The following UTRN variants were observed in gnomAD, a reference collection of about 807,000 sequenced individuals.
The protein encoded by UTRN is dystrophin-related protein 1.
Under a neutral mutation model 463.9 loss-of-function variants are expected in UTRN, and 283 were observed. That is an observed-to-expected ratio of 0.61 (90% CI 0.55 to 0.67). The LOEUF is 0.67. UTRN is among the 30% of genes least tolerant of loss of function. UTRN has a pLI of 0.00. For missense variants in UTRN, 3,922 were observed against 4,084.3 expected, an observed-to-expected ratio of 0.96 and a Z score of 1.08; for synonymous variants, 1,442 against 1,431.5, an observed-to-expected ratio of 1.01 and a Z score of -0.17.
chr6:144,715,884 T>G (rs1786390133), intron 53 of UTRN, among the ~76,000 whole-genome samples: 1 of 152,100 alleles, frequency 6.6e-6, no homozygotes, highest in South Asian at 2.1e-4. Context: ...TTTGTCTCTT[T>G]ATTTCTCAGT....
At chr6:144,830,281 C>T (rs967450254) in intron 69 of UTRN, among the ~76,000 whole-genome samples, 1 of 152,074 alleles carries the variant, frequency 6.6e-6, no homozygotes, top group African/African-American at 2.4e-5. Flanking sequence ...AGAAGATTAA[C>T]AGTCAGATAC....
At chr6:144,667,027 C>CTCTTCT (rs373644435) in intron 51 of UTRN, among the ~76,000 whole-genome samples, 33 of 134,588 alleles carry the variant, frequency 2.5e-4, no homozygotes, top group African/African-American at 1.1e-3. Flanking sequence ...CCTCTTCTTC[C>CTCTTCT]TCCTCCTCCT....
At position 144,440,390 on chromosome 6, in the gene UTRN, A is replaced by G. The variant is rs1439370872; in HGVS notation, c.1431A>G (p.Val477=). 6.2e-7 allele frequency: 1 copy of G among 1,614,116 alleles called. No individual in the cohort carries two copies. Among genetic ancestry groups the G allele is most frequent in the Non-Finnish European group, 8.5e-7 (1 of 1,180,052 alleles). Residue 477 remains valine (V), a synonymous_variant, in exon 13 of 75, where the codon GTA becomes GTG. Transcript: ENST00000367545. ...ATCTTGAGGCTGAACAGGTGAAAGT[A>G]AATTCACTAACTCACATGGTGGTCA... ...QSDLEAEQVK[V]NSLTHMVVIV...
In UTRN at chr6:144,285,544, A is replaced by C. The variant is rs1326958612; in HGVS notation, c.-370A>C. On this transcript the variant is annotated 5_prime_UTR_variant, in exon 1 of 75. Transcript: ENST00000367545. ...GCGCCCCTTCCAGGTTTGCGCTTTG[A>C]CTGTTTTGTTTTTGGCGGAACTACC... Among the ~76,000 whole-genome samples the C allele has an allele frequency of 6.6e-6, 1 of 152,134 alleles. No homozygotes were observed. Among genetic ancestry groups the C allele is most frequent in the Non-Finnish European group, 1.5e-5 (1 of 68,026 alleles).
At chr6:144,565,517 A>G (rs1800324255) in intron 50 of UTRN, among the ~76,000 whole-genome samples, 1 of 152,186 alleles carries the variant, frequency 6.6e-6, no homozygotes. Context: ...TGGTGATTGA[A>G]CAAAAAAGGA....
intron 2 of UTRN, among the ~76,000 whole-genome samples, chr6:144,372,392 A>T (rs7761280): frequency 0.13 from 20,370 of 152,290 alleles, 4,106 homozygotes; most frequent in African/African-American, 0.43. Flanking sequence ...TAAAATAAGA[A>T]AATGCAAGTG....
At chr6:144,426,138 A>G in intron 6 of UTRN, 149 bp from the exon 7 acceptor site, 1 of 950,440 alleles carries the variant, frequency 1.1e-6, no homozygotes, top group South Asian at 1.8e-5. Flanking sequence ...TCTAGTGTCT[A>G]CAGAAAAATC....
intron 1 of UTRN, among the ~76,000 whole-genome samples, chr6:144,290,430 C>G (rs1301570046): frequency 6.6e-6 from 1 of 152,156 alleles, no homozygotes; most frequent in East Asian, 1.9e-4. Context: ...TAGCCACAGT[C>G]TAGATTTGTC....
chr6:144,538,201 G>A (rs1176586112), intron 44 of UTRN, among the ~76,000 whole-genome samples: 1 of 151,980 alleles, frequency 6.6e-6, no homozygotes, highest in African/African-American at 2.4e-5. Flanking sequence ...CAACTAACAA[G>A]TATTGTTTAT....
intron 35 of UTRN, among the ~76,000 whole-genome samples, chr6:144,513,033 C>T (rs1336193700): frequency 6.6e-6 from 1 of 152,038 alleles, no homozygotes; most frequent in Non-Finnish European, 1.5e-5. Context: ...ACTGTTTTTC[C>T]CAGTCATAAT....
chr6:144,447,690 C>T lies in UTRN; in HGVS notation c.1811C>T (p.Ser604Phe), dbSNP rs1332422327. 1 of 1,613,924 alleles carries T rather than the reference C, an allele frequency of 6.2e-7. No individual in the cohort carries two copies. The highest frequency in any genetic ancestry group is 2.2e-5 in the East Asian group (1 of 44,862). The change falls in exon 16 of 75, where the codon TCC becomes TTC. Residue 604 changes from serine to phenylalanine, a missense_variant. By Grantham distance (155) the Ser-to-Phe change is radical. Transcript: ENST00000367545. ...GATGTGGGACAATTACTTGATAATTCCAAGGCATCTAAGAAGATCAACAGT... is the reference window on the plus strand; with the variant it reads ...GATGTGGGACAATTACTTGATAATTTCAAGGCATCTAAGAAGATCAACAGT... ...GQDVGQLLDN[S>F]KASKKINSDS... is the part of the protein sequence containing the mutation.
At chr6:144,677,290 C>T (rs752542734) in intron 51 of UTRN, among the ~76,000 whole-genome samples, 2 of 152,072 alleles carry the variant, frequency 1.3e-5, no homozygotes, top group East Asian at 3.9e-4. Context: ...CGACATCCCC[C>T]GGTGTGTGAT....
At chr6:144,289,107 C>G (rs751416866) in intron 1 of UTRN, among the ~76,000 whole-genome samples, 1 of 152,084 alleles carries the variant, frequency 6.6e-6, no homozygotes, top group Non-Finnish European at 1.5e-5. Flanking sequence ...GCCCAACTCT[C>G]TTTTTGTCAT....
intron 2 of UTRN, among the ~76,000 whole-genome samples, chr6:144,372,050 G>A (rs1195043187): frequency 1.3e-5 from 2 of 152,198 alleles, no homozygotes; most frequent in African/African-American, 4.8e-5. Context: ...GCCAAGTTTT[G>A]CCTTCCTTTT....
At chr6:144,755,989 A>T (rs1364363937) in intron 57 of UTRN, among the ~76,000 whole-genome samples, 1 of 151,338 alleles carries the variant, frequency 6.6e-6, no homozygotes, top group Non-Finnish European at 1.5e-5. Context: ...CCCCACCCCT[A>T]CCTCAACTCC....
At chr6:144,525,483 A>G (rs1796488123) in intron 41 of UTRN, among the ~76,000 whole-genome samples, 1 of 152,096 alleles carries the variant, frequency 6.6e-6, no homozygotes, top group Admixed American at 6.5e-5. Context: ...AAAAATGTTC[A>G]TAATAGCCTT....
chr6:144,497,018 A>G (rs974405236), intron 33 of UTRN, among the ~76,000 whole-genome samples: 1 of 152,238 alleles, frequency 6.6e-6, no homozygotes, highest in African/African-American at 2.4e-5. Flanking sequence ...AATCCTGCCA[A>G]TGTCATAGAG....
intron 51 of UTRN, among the ~76,000 whole-genome samples, chr6:144,634,089 C>T (rs958677487): frequency 1.3e-5 from 2 of 152,208 alleles, no homozygotes; most frequent in African/African-American, 2.4e-5. Context: ...TATAAGATCA[C>T]GCATAGTGTC....
intron 65 of UTRN, among the ~76,000 whole-genome samples, chr6:144,819,643 A>T (rs1217495771): frequency 6.6e-6 from 1 of 152,144 alleles, no homozygotes; most frequent in Non-Finnish European, 1.5e-5. Flanking sequence ...CAGTGAGCTG[A>T]GATCGTGCCA....
Sources: gnomAD v4.1 joint callset for allele counts (sites outside exome capture counted in the v4.1 genomes callset) on GRCh38, gnomAD v4.1.1 for gene constraint, MANE v1.5 for transcripts, NCBI Gene and HGNC (gene_info 2026-07-23, HGNC 2026-07-21) for gene names.